The following SOX6 variants were observed in gnomAD, a reference collection of about 807,000 sequenced individuals.
SOX6 encodes SRY-box transcription factor 6.
SOX6 carries 11 observed loss-of-function variants against 97.8 expected under a neutral mutation model. The ratio of observed to expected loss-of-function variants is 0.11; its 90% CI spans 0.07 to 0.19. SOX6 has a LOEUF of 0.19. Ranked by LOEUF, SOX6 falls within the 10% of genes least tolerant of loss-of-function variation. The probability of loss-of-function intolerance (pLI) is 1.00; values close to 1 mark genes in which losing one functional copy is unlikely to be tolerated. For synonymous variants in SOX6, 360 were observed against 371.4 expected (o/e 0.97, Z 0.35); for missense variants, 810 against 1,039.5 (o/e 0.78, Z 3.04).
chr11:16,600,422 T>C (rs1848254847), intron 4 of SOX6, among the ~76,000 whole-genome samples: 1 of 152,226 alleles, frequency 6.6e-6, no homozygotes, highest in South Asian at 2.1e-4. Flanking sequence ...ATGAAGGATT[T>C]GCAGTTAGGA....
At position 16,161,388 on chromosome 11, in the gene SOX6, G is replaced by GTATA. The variant is rs3059084; in HGVS notation, c.777+22494_777+22497dup. Among the ~76,000 whole-genome samples the GTATA allele has an allele frequency of 3.2e-3, 469 of 147,004 alleles. 1 individual carries two copies. Among genetic ancestry groups the GTATA allele is most frequent in the East Asian group, 9.7e-3 (49 of 5,056 alleles). On this transcript the variant is annotated intron_variant, in intron 6 of 15. Coordinates refer to ENST00000683767, the MANE Select transcript of SOX6 (RefSeq NM_001367873.1). ...TGTATAAAGTCATATATATAGTCTT[G>GTATA]TATATATATATATATAGTCTTAGAC...
chr11:16,667,109 C>G (rs1847812871), intron 3 of SOX6, among the ~76,000 whole-genome samples: 1 of 150,854 alleles, frequency 6.6e-6, no homozygotes, highest in Non-Finnish European at 1.5e-5. Context: ...CACACCTGTC[C>G]CAGCTGAGTA....
intron 4 of SOX6, among the ~76,000 whole-genome samples, chr11:16,529,488 A>C (rs893314511): frequency 6.6e-6 from 1 of 152,132 alleles, no homozygotes; most frequent in Non-Finnish European, 1.5e-5. Context: ...AGGCATGAGA[A>C]GAAAACTGCA....
intron 6 of SOX6, among the ~76,000 whole-genome samples, chr11:16,156,246 C>T (rs1324418813): frequency 6.6e-6 from 1 of 152,022 alleles, no homozygotes; most frequent in Non-Finnish European, 1.5e-5. Flanking sequence ...ATATCTCATG[C>T]TTGAACCTTC....
chr11:16,478,699 A>C (rs2133122750), upstream of SOX6, among the ~76,000 whole-genome samples: 1 of 152,340 alleles, frequency 6.6e-6, no homozygotes, highest in East Asian at 1.9e-4. Context: ...AGTTAACTGA[A>C]GGCTAAACAA....
chr11:15,995,890 A>G (rs1468947219), intron 13 of SOX6, among the ~76,000 whole-genome samples: 2 of 152,338 alleles, frequency 1.3e-5, no homozygotes. Context: ...TTCAAAAATG[A>G]ATATGAAATA....
At chr11:16,457,309 T>G (rs1286374187) in intron 1 of SOX6, among the ~76,000 whole-genome samples, 1 of 152,068 alleles carries the variant, frequency 6.6e-6, no homozygotes, top group African/African-American at 2.4e-5. Flanking sequence ...GCAATCCTAA[T>G]TTGCCATGGA....
intron 2 of SOX6, among the ~76,000 whole-genome samples, chr11:16,327,207 A>C (rs540814467): frequency 6.6e-6 from 1 of 152,294 alleles, no homozygotes; most frequent in Non-Finnish European, 1.5e-5. Context: ...TTTTTATAGG[A>C]TAGAGCTATA....
intron 3 of SOX6, among the ~76,000 whole-genome samples, chr11:16,304,515 C>T (rs552879392): frequency 2.6e-5 from 4 of 152,162 alleles, no homozygotes; most frequent in Non-Finnish European, 5.9e-5. Context: ...CTTAGACTTC[C>T]CAGTATCCAG....
At chr11:16,098,200 G>C (rs1848851890) in intron 7 of SOX6, among the ~76,000 whole-genome samples, 1 of 151,774 alleles carries the variant, frequency 6.6e-6, no homozygotes, top group Non-Finnish European at 1.5e-5. Flanking sequence ...ATAGGGCTGA[G>C]AGGACAGCTA....
At chr11:16,611,045 C>T (rs1266655033) in intron 4 of SOX6, among the ~76,000 whole-genome samples, 3 of 152,178 alleles carry the variant, frequency 2.0e-5, no homozygotes, top group Non-Finnish European at 4.4e-5. Context: ...CTTACCTGCC[C>T]GCAGCAGTCG....
At chr11:16,327,564 T>A (rs1856140187) in intron 2 of SOX6, among the ~76,000 whole-genome samples, 1 of 152,156 alleles carries the variant, frequency 6.6e-6, no homozygotes, top group Non-Finnish European at 1.5e-5. Flanking sequence ...CTAGGAATAC[T>A]ACCAATTCTT....
chr11:16,451,761 A>C (rs2133096720), intron 1 of SOX6, among the ~76,000 whole-genome samples: 1 of 152,174 alleles, frequency 6.6e-6, no homozygotes, highest in East Asian at 1.9e-4. Flanking sequence ...GTTTAAGGTC[A>C]GGTGCGCTGG....
At chr11:16,122,651 T>C (rs1488819196) in intron 6 of SOX6, among the ~76,000 whole-genome samples, 3 of 152,120 alleles carry the variant, frequency 2.0e-5, no homozygotes, top group Admixed American at 6.6e-5. Flanking sequence ...AAATTCCTCA[T>C]CCAGAAATGC....
chr11:16,077,331 AGATACTG>A (rs1848377728), intron 9 of SOX6, among the ~76,000 whole-genome samples: 1 of 152,182 alleles, frequency 6.6e-6, no homozygotes. Flanking sequence ...AAAAAATAAC[AGATACTG>A]GTGTGGTTAT....
intron 12 of SOX6, among the ~76,000 whole-genome samples, chr11:16,033,075 A>G (rs897473049): frequency 1.3e-5 from 2 of 152,118 alleles, no homozygotes; most frequent in Non-Finnish European, 2.9e-5. Flanking sequence ...CTACCAGACT[A>G]CACTCTCCTG....
intron 6 of SOX6, among the ~76,000 whole-genome samples, chr11:16,160,618 T>A (rs1850723604): frequency 6.6e-6 from 1 of 152,226 alleles, no homozygotes; most frequent in African/African-American, 2.4e-5. Flanking sequence ...CAGAGTAGTC[T>A]ATAAGCCTGT....
At chr11:16,026,609 C>T (rs940284764) in intron 12 of SOX6, among the ~76,000 whole-genome samples, 2 of 152,086 alleles carry the variant, frequency 1.3e-5, no homozygotes, top group African/African-American at 4.8e-5. Flanking sequence ...GAGGGCCTTT[C>T]TTCAGAAAAA....
At chr11:16,370,130 T>C (rs1365978310) in intron 1 of SOX6, among the ~76,000 whole-genome samples, 1 of 152,048 alleles carries the variant, frequency 6.6e-6, no homozygotes, top group Non-Finnish European at 1.5e-5. Flanking sequence ...CCATCACAAG[T>C]CCAAGCCCCA....
Sources: allele counts gnomAD v4.1 joint callset (sites outside exome capture counted in the v4.1 genomes callset), GRCh38; gene constraint gnomAD v4.1.1; transcripts MANE v1.5; gene names NCBI Gene and HGNC (gene_info 2026-07-23, HGNC 2026-07-21).